The following RASD1 variants were observed in gnomAD, a reference collection of about 807,000 sequenced individuals.
RASD1 encodes ras related dexamethasone induced 1.
RASD1 carries 13 observed loss-of-function variants against 16.7 expected under a neutral mutation model. The ratio of observed to expected loss-of-function variants is 0.78; its 90% CI spans 0.51 to 1.24. The LOEUF is 1.24. Ranked by LOEUF, RASD1 falls within the 50% of genes most tolerant of loss-of-function variation. The pLI is 0.00. For missense variants in RASD1, 397 were observed against 407.5 expected (o/e 0.97, Z 0.22); for synonymous variants, 170 against 172.6 (o/e 0.98, Z 0.12).
rs1288565492 is a variant in RASD1 at position 17,496,303 on chromosome 17, G to A, written c.-122C>T. On this transcript the variant is annotated 5_prime_UTR_variant, in exon 1 of 2. Transcript: ENST00000225688. ...GCTCTGCTCGGGCTGGGCGCGGCTC[G>A]GGCTTGGGGCTCCGGCTCCGCTCGG... 9.2e-7 allele frequency: 1 copy of A among 1,086,202 alleles called. No individual in the cohort carries two copies. The highest frequency in any genetic ancestry group is 3.0e-5 in the Admixed American group (1 of 33,524). 67.3% of individuals were successfully genotyped at this position (1,086,202 alleles called of 1,614,324 possible). A position where few individuals can be genotyped will look rare whatever the true frequency, so the allele number is the denominator to read the frequency against.
At position 17,495,202 on chromosome 17, in the gene RASD1, TG is replaced by T. The variant is rs1555534914; in HGVS notation, c.768del (p.His256GlnfsTer76). On this transcript the variant is annotated frameshift_variant, in exon 2 of 2. Coordinates refer to ENST00000225688, the MANE Select transcript of RASD1 (RefSeq NM_016084.5). LOFTEE classifies it high-confidence loss of function. ...TTCTCGCGGATGTACATGAGGTCGC[TG>T]TGTACGCTGGGCCGGCGCGCGAAGG... ...VAPFARRPSVHSDLMYIREKA... is the reference protein window; with the variant it reads ...VAPFARRPSVXSDLMYIREKA... 3.1e-6 allele frequency: 5 copies of T among 1,611,370 alleles called. No homozygotes were observed. Among genetic ancestry groups the T allele is most frequent in the Non-Finnish European group, 4.2e-6 (5 of 1,179,624 alleles).
In RASD1 at chr17:17,495,670, G is replaced by T; in HGVS notation, c.301C>A (p.Leu101Met). 1 of 1,609,754 alleles carries T rather than the reference G, an allele frequency of 6.2e-7. No homozygotes were observed. The highest frequency in any genetic ancestry group is 8.5e-7 in the Non-Finnish European group (1 of 1,177,788). The change falls in exon 2 of 2, where the codon CTG becomes ATG. Residue 101 changes from leucine (L) to methionine (M), a missense_variant. Transcript: ENST00000225688. ...LSILTGDVFI[L>M]VFSLDNRDSF... ...TCGCGGTTGTCCAGACTGAACACCA[G>T]GATGAAAACGTCTCCTAGAGGGGGC...
intron 1 of RASD1, 86 bp downstream of exon 1, chr17:17,495,810 C>T: frequency 6.8e-7 from 1 of 1,476,636 alleles, no homozygotes; most frequent in Non-Finnish European, 9.0e-7. Context: ...CTACTCGGCG[C>T]GCGGCAGCCG....
At position 17,496,039 on chromosome 17, in the gene RASD1, C is replaced by T. The variant is rs1905425516; in HGVS notation, c.143G>A (p.Arg48His). ...TAIVSRFLTG[R>H]FEDAYTPTIE... ...GGTAGGCGTGTAGGCGTCCTCGAAG[C>T]GGCCGGTGAGGAAGCGCGACACGAT... The change falls in exon 1 of 2, where the codon CGC becomes CAC. Residue 48 changes from arginine to histidine, a missense_variant. Transcript: ENST00000225688. 1 of 1,614,084 alleles carries T rather than the reference C, an allele frequency of 6.2e-7. No homozygotes were observed. Among genetic ancestry groups the T allele is most frequent in the Non-Finnish European group, 8.5e-7 (1 of 1,180,018 alleles).
In RASD1 at chr17:17,494,966, C is replaced by T. The variant is rs2142482521; in HGVS notation, c.*159G>A. 1 of 886,206 alleles carries T rather than the reference C, an allele frequency of 1.1e-6. No individual in the cohort carries two copies. The allele number at this position is 886,206 out of a possible 1,614,324, so 54.9% of individuals were successfully genotyped here. A position where few individuals can be genotyped will look rare whatever the true frequency, so the allele number is the denominator to read the frequency against. ...CTTTCCTTCCGGAGCAGATGACCGT[C>T]CCTTCTCGGTTCAGTGGCGCCTCCC... On this transcript the variant is annotated 3_prime_UTR_variant, in exon 2 of 2. Coordinates refer to ENST00000225688, the MANE Select transcript of RASD1 (RefSeq NM_016084.5).
rs766200748 is a variant in RASD1, at chr17:17,495,997, C to A, written c.185G>T (p.Arg62Leu). 6.2e-7 allele frequency: 1 copy of A among 1,613,850 alleles called. No individual in the cohort carries two copies. The highest frequency in any genetic ancestry group is 8.5e-7 in the Non-Finnish European group (1 of 1,180,018). The change falls in exon 1 of 2, where the codon CGC (arginine) becomes CTC (leucine). Residue 62 changes from arginine to leucine, a missense_variant. By Grantham distance (102) the Arg-to-Leu change is moderately radical. Transcript: ENST00000225688. ...AYTPTIEDFH[R>L]KFYSIRGEVY... is the part of the protein sequence containing the mutation. ...CTCGCCGCGGATGGAGTAGAACTTG[C>A]GGTGGAAGTCCTCGATGGTAGGCGT... is the stretch of plus-strand genomic sequence containing the variant.
chr17:17,496,316 CG>C lies in RASD1; in HGVS notation c.-136del. On this transcript the variant is annotated 5_prime_UTR_variant, in exon 1 of 2. Coordinates refer to ENST00000225688, the MANE Select transcript of RASD1 (RefSeq NM_016084.5). ...TGGGCGCGGCTCGGGCTTGGGGCTC[CG>C]GCTCCGCTCGGGCTGGGCTCGGGCT... is the stretch of plus-strand genomic sequence containing the variant. 1.1e-6 allele frequency: 1 copy of C among 939,232 alleles called. No individual in the cohort carries two copies. Among genetic ancestry groups the C allele is most frequent in the South Asian group, 1.8e-5 (1 of 54,976 alleles). 58.2% of individuals were successfully genotyped at this position (939,232 alleles called of 1,614,324 possible).
chr17:17,496,319 C>T lies in RASD1; in HGVS notation c.-138G>A, dbSNP rs927831399. On this transcript the variant is annotated 5_prime_UTR_variant, in exon 1 of 2. Coordinates refer to ENST00000225688, the MANE Select transcript of RASD1 (RefSeq NM_016084.5). ...GCGCGGCTCGGGCTTGGGGCTCCGG[C>T]TCCGCTCGGGCTGGGCTCGGGCTAG... 5.3e-6 allele frequency: 5 copies of T among 943,980 alleles called. No individual in the cohort carries two copies. The highest frequency in any genetic ancestry group is 7.5e-6 in the Non-Finnish European group (5 of 664,850). The allele number at this position is 943,980 out of a possible 1,614,324, so 58.5% of individuals were successfully genotyped here.
In RASD1 at chr17:17,496,145, T is replaced by C. The variant is rs753493384; in HGVS notation, c.37A>G (p.Ser13Gly). The part of the protein sequence containing the change: ...LAAMIKKMCP[S>G]DSELSIPAKN... ...GCCGGGATACTCAGCTCCGAGTCGC[T>C]CGGGCACATCTTCTTGATCATCGCG... Residue 13 changes from serine (S) to glycine (G), a missense_variant, in exon 1 of 2, where the codon AGC (serine) becomes GGC (glycine). Physicochemically the swap from Ser to Gly is moderately conservative, Grantham distance 56. Coordinates refer to ENST00000225688, the MANE Select transcript of RASD1 (RefSeq NM_016084.5). 5.0e-6 allele frequency: 8 copies of C among 1,611,166 alleles called. No homozygotes were observed. In the Admixed American group the frequency reaches 1.3e-4, roughly 27 times the overall value.
Position 17,495,413 on chromosome 17 carries a change from C to A in RASD1, c.558G>T (p.Gln186His). Residue 186 changes from glutamine to histidine, a missense_variant, in exon 2 of 2, where the codon CAG becomes CAT. Gln to His is a conservative substitution (Grantham distance 24). Coordinates refer to ENST00000225688, the MANE Select transcript of RASD1 (RefSeq NM_016084.5). ...ISAKKNSSLDQMFRALFAMAK... is the reference protein window; with the variant it reads ...ISAKKNSSLDHMFRALFAMAK... ...CCATGGCGAAGAGCGCGCGGAACAT[C>A]TGGTCCAGGCTGCTGTTCTTCTTGG... 1 of 1,605,618 alleles carries A rather than the reference C, an allele frequency of 6.2e-7. No individual in the cohort carries two copies.
chr17:17,495,025 G>C lies in RASD1; in HGVS notation c.*100C>G, dbSNP rs1278266190. On this transcript the variant is annotated 3_prime_UTR_variant, in exon 2 of 2. Coordinates refer to ENST00000225688, the MANE Select transcript of RASD1 (RefSeq NM_016084.5). ...GGGGCGGATCGCCGGGAGGGGAGAC[G>C]CCAGTCCGCGCGCGCTCCCGGCCTG... 1 of 1,445,810 alleles carries C rather than the reference G, an allele frequency of 6.9e-7. No individual in the cohort carries two copies. Among genetic ancestry groups the C allele is most frequent in the African/African-American group, 1.5e-5 (1 of 68,726 alleles). 89.6% of individuals were successfully genotyped at this position (1,445,810 alleles called of 1,614,324 possible). A position where few individuals can be genotyped will look rare whatever the true frequency, so the allele number is the denominator to read the frequency against.
Position 17,495,422 on chromosome 17 carries a change from G to A in RASD1, c.549C>T (p.Ser183=), listed in dbSNP as rs371240185. The A allele has an allele frequency of 1.3e-4, 204 of 1,606,764 alleles. No individual in the cohort carries two copies. The highest frequency in any genetic ancestry group is 1.7e-4 in the Non-Finnish European group (197 of 1,177,178). ...YFEISAKKNS[S]LDQMFRALFA... Reference sequence around the variant, plus strand: ...AGAGCGCGCGGAACATCTGGTCCAGGCTGCTGTTCTTCTTGGCCGAGATCT... The same window carrying A: ...AGAGCGCGCGGAACATCTGGTCCAGACTGCTGTTCTTCTTGGCCGAGATCT... Residue 183 remains serine, a synonymous_variant, in exon 2 of 2, where the codon AGC becomes AGT. Transcript: ENST00000225688.
chr17:17,496,285 TC>T lies in RASD1; in HGVS notation c.-105del, dbSNP rs1413133584. The T allele has an allele frequency of 1.5e-6, 2 of 1,291,274 alleles. No individual in the cohort carries two copies. Among genetic ancestry groups the T allele is most frequent in the Admixed American group, 5.0e-5 (2 of 39,876 alleles). The allele number at this position is 1,291,274 out of a possible 1,614,324, so 80.0% of individuals were successfully genotyped here. A position where few individuals can be genotyped will look rare whatever the true frequency, so the allele number is the denominator to read the frequency against. ...GGGGTGAGCGGCTGGAGGGCTCTGCTCGGGCTGGGCGCGGCTCGGGCTTGGG... is the reference window on the plus strand; with the variant it reads ...GGGGTGAGCGGCTGGAGGGCTCTGCTGGGCTGGGCGCGGCTCGGGCTTGGG... On this transcript the variant is annotated 5_prime_UTR_variant, in exon 1 of 2. Transcript: ENST00000225688.
chr17:17,495,706 G>C, intron 1 of RASD1, 22 bp from the exon 2 acceptor site: 1 of 1,579,288 alleles, frequency 6.3e-7, no homozygotes, highest in South Asian at 1.2e-5. Context: ...ACAGAGAGCA[G>C]AAAAGGAGAA....
rs1905442420 is a variant in RASD1 at position 17,496,323 on chromosome 17, G to T, written c.-142C>A. 1 of 867,672 alleles carries T rather than the reference G, an allele frequency of 1.2e-6. No individual in the cohort carries two copies. Among genetic ancestry groups the T allele is most frequent in the Non-Finnish European group, 1.7e-6 (1 of 596,490 alleles). The allele number at this position is 867,672 out of a possible 1,614,324, so 53.7% of individuals were successfully genotyped here. A position where few individuals can be genotyped will look rare whatever the true frequency, so the allele number is the denominator to read the frequency against. On this transcript the variant is annotated 5_prime_UTR_variant, in exon 1 of 2. Coordinates refer to ENST00000225688, the MANE Select transcript of RASD1 (RefSeq NM_016084.5). Reference sequence around the variant, plus strand: ...GGCTCGGGCTTGGGGCTCCGGCTCCGCTCGGGCTGGGCTCGGGCTAGGCTG... The same window carrying T: ...GGCTCGGGCTTGGGGCTCCGGCTCCTCTCGGGCTGGGCTCGGGCTAGGCTG...
rs200626242 is a variant in RASD1 at position 17,495,087 on chromosome 17, G to T, written c.*38C>A. On this transcript the variant is annotated 3_prime_UTR_variant, in exon 2 of 2. Coordinates refer to ENST00000225688, the MANE Select transcript of RASD1 (RefSeq NM_016084.5). ...GCCGTTGGATTTGACTTAACAAAAA[G>T]GTCCTCCTTAGGTTGTGTCGCCAGC... The T allele has an allele frequency of 1.7e-3, 2,721 of 1,598,068 alleles. 13 individuals carry two copies. Among genetic ancestry groups the T allele is most frequent in the Non-Finnish European group, 1.2e-3 (1,390 of 1,174,526 alleles).
Position 17,495,161 on chromosome 17 carries a change from G to C in RASD1, c.810C>G (p.Ser270Arg), listed in dbSNP as rs1256053565. 1 of 1,611,730 alleles carries C rather than the reference G, an allele frequency of 6.2e-7. No individual in the cohort carries two copies. The highest frequency in any genetic ancestry group is 8.5e-7 in the Non-Finnish European group (1 of 1,179,710). The change falls in exon 2 of 2, where the codon AGC (serine) becomes AGG (arginine). Residue 270 changes from serine to arginine, a missense_variant. Transcript: ENST00000225688. Reference protein sequence around the residue: ...MYIREKASAGSQAKDKERCVI... With the variant: ...MYIREKASAGRQAKDKERCVI... Reference sequence around the variant, plus strand: ...CGCAGCGCTCCTTGTCCTTGGCCTGGCTGCCGGCGCTGGCCTTCTCGCGGA... The same window carrying C: ...CGCAGCGCTCCTTGTCCTTGGCCTGCCTGCCGGCGCTGGCCTTCTCGCGGA...
chr17:17,496,191 G>A lies in RASD1; in HGVS notation c.-10C>T. On this transcript the variant is annotated 5_prime_UTR_variant, in exon 1 of 2. Transcript: ENST00000225688. ...TCGCGGCCAGTTTCATTGGGCAGAG[G>A]GGCCGCGAGGGCGGGCGCGGGGCCG... 6.3e-7 allele frequency: 1 copy of A among 1,580,858 alleles called. No individual in the cohort carries two copies. The highest frequency in any genetic ancestry group is 8.6e-7 in the Non-Finnish European group (1 of 1,160,706).
rs1473919886 is a variant in RASD1, at chr17:17,496,102, A to G, written c.80T>C (p.Met27Thr). The stretch of plus-strand genomic sequence containing the variant: ...CACCTTGGACGAGCCGAGGATGACC[A>G]TGCGATAGCAGTTCTTGGCCGGGAT... The part of the protein sequence containing the change: ...LSIPAKNCYR[M>T]VILGSSKVGK... The change falls in exon 1 of 2, where the codon ATG (methionine) becomes ACG (threonine). Residue 27 changes from methionine (M) to threonine (T), a missense_variant. Physicochemically the swap from Met to Thr is moderately conservative, Grantham distance 81 (BLOSUM62 -1). Coordinates refer to ENST00000225688, the MANE Select transcript of RASD1 (RefSeq NM_016084.5). 1.9e-6 allele frequency: 3 copies of G among 1,614,086 alleles called. No homozygotes were observed. Among genetic ancestry groups the G allele is most frequent in the South Asian group, 2.2e-5 (2 of 91,090 alleles).
Sources: allele counts gnomAD v4.1 joint callset, GRCh38; gene constraint gnomAD v4.1.1; transcripts MANE v1.5; gene names NCBI Gene and HGNC (gene_info 2026-07-23, HGNC 2026-07-21).